The following BAZ2B variants were observed in gnomAD, a reference collection of about 807,000 sequenced individuals.
BAZ2B encodes the protein bromodomain adjacent to zinc finger domain protein 2B.
In BAZ2B, 91 loss-of-function variants were observed where a neutral mutation model predicts 246.0. That is an observed-to-expected ratio of 0.37 (90% CI 0.31 to 0.44). BAZ2B has a LOEUF of 0.44. Among genes scored for constraint, BAZ2B ranks in the 20% least tolerant of loss-of-function variants. The pLI, the probability that BAZ2B is intolerant of heterozygous loss-of-function variation, is 1.00. For missense variants in BAZ2B, 2,332 were observed against 2,533.7 expected (o/e 0.92, Z 1.71); for synonymous variants, 855 against 860.0 (o/e 0.99, Z 0.10).
intron 1 of BAZ2B, among the ~76,000 whole-genome samples, chr2:159,605,396 A>G (rs1333472073): frequency 1.3e-5 from 2 of 152,134 alleles, no homozygotes; most frequent in African/African-American, 4.8e-5. Context: ...GCTCACTTTT[A>G]AAGTGCTGAG....
At chr2:159,581,602 G>A (rs1177760168) in intron 1 of BAZ2B, among the ~76,000 whole-genome samples, 1 of 152,036 alleles carries the variant, frequency 6.6e-6, no homozygotes, top group African/African-American at 2.4e-5. Flanking sequence ...AAATCATGCT[G>A]CTATAAAGAC....
chr2:159,488,795 C>T (rs903032887), intron 2 of BAZ2B, among the ~76,000 whole-genome samples: 4 of 152,056 alleles, frequency 2.6e-5, no homozygotes. Context: ...AGCTATTTTA[C>T]AGAGGTAAAA....
intron 2 of BAZ2B, among the ~76,000 whole-genome samples, chr2:159,534,943 T>C (rs1318128902): frequency 1.3e-5 from 2 of 152,194 alleles, no homozygotes; most frequent in Non-Finnish European, 2.9e-5. Flanking sequence ...ACAATTTTTA[T>C]AGGGAAGTAA....
chr2:159,460,188 G>A (rs747248345), intron 3 of BAZ2B: 1 of 151,998 alleles, frequency 6.6e-6, no homozygotes, highest in Non-Finnish European at 1.5e-5. Context: ...ATGCTGGTGT[G>A]TGTCAGTAAC....
chr2:159,478,443 A>G, intron 3 of BAZ2B, 132 bp downstream of exon 3: 1 of 902,260 alleles, frequency 1.1e-6, no homozygotes, highest in Non-Finnish European at 1.6e-6. Flanking sequence ...CAAAAAGACT[A>G]GGTGTTTAAC....
At chr2:159,544,671 G>C (rs2087088437) in intron 2 of BAZ2B, among the ~76,000 whole-genome samples, 1 of 152,130 alleles carries the variant, frequency 6.6e-6, no homozygotes, top group South Asian at 2.1e-4. Flanking sequence ...TGGGCGGAAA[G>C]GGAACTTAAT....
chr2:159,411,169 G>A (rs1050075142), intron 14 of BAZ2B, among the ~76,000 whole-genome samples: 1 of 152,122 alleles, frequency 6.6e-6, no homozygotes, highest in South Asian at 2.1e-4. Context: ...TTAGAGGAGT[G>A]TGCCACTACA....
At chr2:159,424,348 T>C (rs1270285866) in intron 13 of BAZ2B, among the ~76,000 whole-genome samples, 1 of 152,116 alleles carries the variant, frequency 6.6e-6, no homozygotes, top group Non-Finnish European at 1.5e-5. Flanking sequence ...CTTTAGTATT[T>C]AATGTTGAGC....
At chr2:159,440,514 CTT>C (rs2073177745) in intron 6 of BAZ2B, among the ~76,000 whole-genome samples, 1 of 61,416 alleles carries the variant, frequency 1.6e-5, no homozygotes, top group South Asian at 4.8e-4. Flanking sequence ...TGCAATGACT[CTT>C]GTTTTTTTTT....
the BAZ2B span, among the ~76,000 whole-genome samples, chr2:159,634,914 C>A: frequency 1.3e-5 from 2 of 152,124 alleles, no homozygotes; most frequent in Admixed American, 1.3e-4. Flanking sequence ...AAGAGACAAT[C>A]CAAAGAGAGG....
rs1575552422 is a variant in BAZ2B at position 159,319,439 on chromosome 2, A to G, written c.*826T>C. ...TGTTGGTAGAGGATAATTACTGTAC[A>G]GACTGTATAGCTATCATTACCTTCA... On this transcript the variant is annotated 3_prime_UTR_variant, in exon 37 of 37. Coordinates refer to ENST00000392783, the MANE Select transcript of BAZ2B (RefSeq NM_013450.4). This position sits in a 1 kb window ranked among gnomAD's most constrained non-coding sequence, Gnocchi z 4.0. 6.5e-6 allele frequency: 1 copy of G among 152,808 alleles called. No individual in the cohort carries two copies. Among genetic ancestry groups the G allele is most frequent in the Middle Eastern group, 3.4e-3 (1 of 294 alleles). 9.5% of individuals were successfully genotyped at this position (152,808 alleles called of 1,614,324 possible).
chr2:159,557,225 T>TAA (rs1457342574), intron 1 of BAZ2B, among the ~76,000 whole-genome samples: 2 of 151,082 alleles, frequency 1.3e-5, no homozygotes, highest in South Asian at 4.2e-4. Flanking sequence ...AATTAATTTT[T>TAA]TTTTTTTTTT....
intron 2 of BAZ2B, among the ~76,000 whole-genome samples, chr2:159,491,720 C>CAAAAAAAAAAAAAAAAAAAAAAAAAAA (rs773067675): frequency 3.4e-5 from 1 of 29,558 alleles, no homozygotes; most frequent in Non-Finnish European, 5.1e-5. Context: ...GACTCCGTCT[C>CAAAAAAAAAAAAAAAAAAAAAAAAAAA]AAAAAAAAAA....
chr2:159,410,052 A>T (rs936553094), intron 14 of BAZ2B, among the ~76,000 whole-genome samples: 1 of 152,246 alleles, frequency 6.6e-6, no homozygotes, highest in African/African-American at 2.4e-5. Flanking sequence ...TTCTAATGAT[A>T]ATTAGATACG....
At chr2:159,404,662 A>C in intron 16 of BAZ2B, 187 bp downstream of exon 16, 1 of 527,676 alleles carries the variant, frequency 1.9e-6, no homozygotes, top group South Asian at 3.2e-5. Context: ...TTCTTTAAAC[A>C]CTTGGAAGTA....
At chr2:159,458,101 G>A (rs968800771) in intron 3 of BAZ2B, among the ~76,000 whole-genome samples, 6 of 152,008 alleles carry the variant, frequency 3.9e-5, no homozygotes, top group East Asian at 1.9e-4. Context: ...TCTGCCTCCC[G>A]GGTTCGAATG....
At chr2:159,674,816 A>C in the BAZ2B span, among the ~76,000 whole-genome samples, 1 of 152,172 alleles carries the variant, frequency 6.6e-6, no homozygotes, top group Non-Finnish European at 1.5e-5. Context: ...CATATAGAAC[A>C]AGGAAAATAA....
the BAZ2B span, among the ~76,000 whole-genome samples, chr2:159,629,223 G>C: frequency 2.7e-3 from 405 of 152,284 alleles, 2 homozygotes; most frequent in African/African-American, 9.2e-3. Flanking sequence ...TATACTGTTG[G>C]TGGGAGTGTA....
intron 2 of BAZ2B, among the ~76,000 whole-genome samples, chr2:159,480,534 C>A (rs565253143): frequency 6.6e-5 from 10 of 152,146 alleles, no homozygotes; most frequent in African/African-American, 2.4e-4. Flanking sequence ...AAGAATTAAT[C>A]TGAATAATTA....
Sources: allele counts gnomAD v4.1 joint callset (sites outside exome capture counted in the v4.1 genomes callset), GRCh38; gene constraint gnomAD v4.1.1; non-coding constraint Gnocchi (gnomAD v3.1); transcripts MANE v1.5; gene names NCBI Gene and HGNC (gene_info 2026-07-23, HGNC 2026-07-21).